The following MSRA variants were observed in gnomAD, a reference collection of about 807,000 sequenced individuals.
MSRA encodes mitochondrial peptide methionine sulfoxide reductase.
MSRA carries 54 observed loss-of-function variants against 31.3 expected under a neutral mutation model. That is an observed-to-expected ratio of 1.73 (90% confidence interval 1.39 to 2.17). MSRA has a LOEUF of 2.17. MSRA is among the 30% of genes most tolerant of loss of function. The pLI is 0.00. For synonymous variants in MSRA, 169 were observed against 116.5 expected (o/e 1.45, Z -2.90); for missense variants, 507 against 300.9 (o/e 1.69, Z -5.07).
Position 10,261,553 on chromosome 8 carries a change from C to T in MSRA, c.331+16330C>T, listed in dbSNP as rs183593392. Among the ~76,000 whole-genome samples the T allele has an allele frequency of 3.5e-3, 526 of 151,948 alleles. 3 individuals carry two copies. Among genetic ancestry groups the T allele is most frequent in the Non-Finnish European group, 4.7e-3 (317 of 67,964 alleles). On this transcript the variant is annotated intron_variant, in intron 3 of 5. Coordinates refer to ENST00000317173, the MANE Select transcript of MSRA (RefSeq NM_012331.5). ...TTCTACAAAACCTTTTTTTTAAGGA[C>T]TTTAATTTTTAGAGCAATTTTAGGT...
intron 1 of MSRA, among the ~76,000 whole-genome samples, chr8:10,116,865 G>A (rs1213641193): frequency 6.6e-6 from 1 of 152,156 alleles, no homozygotes; most frequent in Non-Finnish European, 1.5e-5. Context: ...TACTTGGGAG[G>A]CGAGGCAGGA....
chr8:10,224,714 C>T (rs1810842098), intron 2 of MSRA, among the ~76,000 whole-genome samples: 1 of 152,188 alleles, frequency 6.6e-6, no homozygotes. Flanking sequence ...GAGAGAGACA[C>T]TCCTCGTGGT....
chr8:10,081,195 C>A (rs980842049), intron 1 of MSRA, among the ~76,000 whole-genome samples: 1 of 152,160 alleles, frequency 6.6e-6, no homozygotes, highest in African/African-American at 2.4e-5. Context: ...AAGAACTAGG[C>A]GGATGGGGCA....
intron 5 of MSRA, among the ~76,000 whole-genome samples, chr8:10,355,798 A>T (rs1362523336): frequency 6.6e-6 from 1 of 152,152 alleles, no homozygotes; most frequent in Non-Finnish European, 1.5e-5. Context: ...ATGCCATATC[A>T]GGGAGGCCCA....
intron 1 of MSRA, among the ~76,000 whole-genome samples, chr8:10,117,348 C>T (rs17689037): frequency 0.4 from 60,589 of 151,980 alleles, 12,859 homozygotes; most frequent in Middle Eastern, 0.53. Flanking sequence ...GCAACAAACA[C>T]AGCCTCAAAA....
At chr8:10,163,361 T>C (rs2129043073) in intron 1 of MSRA, among the ~76,000 whole-genome samples, 1 of 152,324 alleles carries the variant, frequency 6.6e-6, no homozygotes, top group East Asian at 1.9e-4. Flanking sequence ...CTTCTCTTTC[T>C]AAACGGCACC....
chr8:10,170,364 G>C (rs1410717038), intron 1 of MSRA, among the ~76,000 whole-genome samples: 1 of 152,134 alleles, frequency 6.6e-6, no homozygotes, highest in African/African-American at 2.4e-5. Flanking sequence ...GAGCTGCCTT[G>C]CGCCTTCTGT....
At chr8:10,418,843 C>A (rs200758253) in intron 5 of MSRA, among the ~76,000 whole-genome samples, 1,443 of 97,254 alleles carry the variant, frequency 0.015, no homozygotes, top group Middle Eastern at 0.029. Flanking sequence ...AAAAAACCAA[C>A]AAAAAAAAAA....
At chr8:10,232,317 G>T (rs558831018) in intron 2 of MSRA, among the ~76,000 whole-genome samples, 1 of 152,276 alleles carries the variant, frequency 6.6e-6, no homozygotes, top group East Asian at 1.9e-4. Flanking sequence ...TTGTTGGAGG[G>T]TTTGTTATTC....
At chr8:10,079,077 C>G (rs1798145243) in intron 1 of MSRA, among the ~76,000 whole-genome samples, 1 of 152,154 alleles carries the variant, frequency 6.6e-6, no homozygotes, top group Admixed American at 6.5e-5. Context: ...CTTCCCCATC[C>G]CGCAGAGTTT....
chr8:10,354,774 A>G (rs916973292), intron 5 of MSRA, among the ~76,000 whole-genome samples: 1 of 147,954 alleles, frequency 6.8e-6, no homozygotes, highest in Non-Finnish European at 1.5e-5. Context: ...ATATATATAT[A>G]TATACCAGTT....
intron 1 of MSRA, among the ~76,000 whole-genome samples, chr8:10,148,518 A>C (rs1803362169): frequency 6.6e-6 from 1 of 151,990 alleles, no homozygotes; most frequent in South Asian, 2.1e-4. Flanking sequence ...ATGGTGGTGC[A>C]CATCTGCAAT....
At chr8:10,340,166 C>T (rs965929944) in intron 5 of MSRA, among the ~76,000 whole-genome samples, 1 of 152,126 alleles carries the variant, frequency 6.6e-6, no homozygotes, top group East Asian at 1.9e-4. Flanking sequence ...CCATTCCCAG[C>T]AGAGCTCGGA....
intron 1 of MSRA, among the ~76,000 whole-genome samples, chr8:10,190,986 C>T (rs571888817): frequency 6.7e-4 from 102 of 152,274 alleles, no homozygotes; most frequent in African/African-American, 2.3e-3. Context: ...CATTAGTTTT[C>T]TGGTGTCTCA....
intron 5 of MSRA, among the ~76,000 whole-genome samples, chr8:10,414,306 C>A (rs1585725693): frequency 6.6e-6 from 1 of 152,188 alleles, no homozygotes; most frequent in Admixed American, 6.5e-5. Flanking sequence ...CAGGAGGCAT[C>A]CTGCTGACTT....
chr8:10,196,145 C>CCTTCAA (rs1807966987), intron 1 of MSRA, among the ~76,000 whole-genome samples: 1 of 152,222 alleles, frequency 6.6e-6, no homozygotes, highest in Admixed American at 6.5e-5. Context: ...ATACGATGTG[C>CCTTCAA]CTTCAAGGGA....
At chr8:10,274,555 A>T (rs1001104193) in intron 3 of MSRA, among the ~76,000 whole-genome samples, 10 of 152,186 alleles carry the variant, frequency 6.6e-5, no homozygotes, top group Admixed American at 6.5e-5. Context: ...TGGAGAAGTT[A>T]TGGACTTTTC....
chr8:10,218,644 T>G (rs1330380924), intron 2 of MSRA, among the ~76,000 whole-genome samples: 1 of 152,180 alleles, frequency 6.6e-6, no homozygotes, highest in Non-Finnish European at 1.5e-5. Flanking sequence ...GCAGGATAAG[T>G]GGTGATTTTC....
At chr8:10,117,562 G>C (rs1254791680) in intron 1 of MSRA, among the ~76,000 whole-genome samples, 1 of 152,162 alleles carries the variant, frequency 6.6e-6, no homozygotes, top group African/African-American at 2.4e-5. Flanking sequence ...AATCCTAGCT[G>C]TTGGGAGCAT....
Sources: gnomAD v4.1 joint callset for allele counts (sites outside exome capture counted in the v4.1 genomes callset) on GRCh38, gnomAD v4.1.1 for gene constraint, MANE v1.5 for transcripts, NCBI Gene and HGNC (gene_info 2026-07-23, HGNC 2026-07-21) for gene names.